The following SDK1 variants were observed in gnomAD, a reference collection of about 807,000 sequenced individuals.
The protein encoded by SDK1 is sidekick cell adhesion molecule 1, also known as protein sidekick-1.
In SDK1, 157 loss-of-function variants were observed where a neutral mutation model predicts 245.5. The ratio of observed to expected loss-of-function variants is 0.64; its 90% CI spans 0.56 to 0.73. SDK1 has a LOEUF of 0.73. Ranked by LOEUF, SDK1 falls within the 30% of genes least tolerant of loss-of-function variation. The pLI is 0.00. For missense variants in SDK1, 3,583 were observed against 3,002.3 expected (o/e 1.19, Z -4.52); for synonymous variants, 1,647 against 1,278.5 (o/e 1.29, Z -6.15).
intron 1 of SDK1, among the ~76,000 whole-genome samples, chr7:3,376,497 A>G (rs1356680528): frequency 6.6e-6 from 1 of 152,236 alleles, no homozygotes; most frequent in Non-Finnish European, 1.5e-5. Context: ...CAGGCAATTC[A>G]CAAAGTAGAA....
At chr7:3,973,734 C>T (rs538480373) in intron 12 of SDK1, among the ~76,000 whole-genome samples, 9 of 152,260 alleles carry the variant, frequency 5.9e-5, no homozygotes, top group South Asian at 2.1e-4. Flanking sequence ...GTTCTACAGA[C>T]TTCTCATCTC....
chr7:3,753,129 G>T (rs1779820844), intron 4 of SDK1, among the ~76,000 whole-genome samples: 1 of 152,136 alleles, frequency 6.6e-6, no homozygotes, highest in South Asian at 2.1e-4. Flanking sequence ...GAACTAGGAT[G>T]GCGGCAATAT....
intron 5 of SDK1, among the ~76,000 whole-genome samples, chr7:3,926,561 A>G (rs1431132594): frequency 6.6e-6 from 1 of 152,040 alleles, no homozygotes; most frequent in Non-Finnish European, 1.5e-5. Flanking sequence ...CTTTGGGCGC[A>G]GGTGATCCTT....
At chr7:3,488,195 G>A (rs1000420108) in intron 1 of SDK1, among the ~76,000 whole-genome samples, 10 of 151,914 alleles carry the variant, frequency 6.6e-5, no homozygotes, top group Admixed American at 6.6e-4. Context: ...TCTGCCTCCC[G>A]TTCCCTCTGC....
chr7:3,828,324 G>C (rs914964346), intron 5 of SDK1, among the ~76,000 whole-genome samples: 6 of 151,634 alleles, frequency 4.0e-5, no homozygotes, highest in Non-Finnish European at 8.8e-5. Flanking sequence ...TATGACTTTT[G>C]GCATATAACT....
intron 5 of SDK1, among the ~76,000 whole-genome samples, chr7:3,908,594 C>A (rs1250683202): frequency 6.6e-6 from 1 of 152,136 alleles, no homozygotes; most frequent in East Asian, 1.9e-4. Flanking sequence ...TCTCTTCCTT[C>A]CTTCCTTTAA....
intron 4 of SDK1, among the ~76,000 whole-genome samples, chr7:3,715,358 G>A (rs1410811440): frequency 6.6e-6 from 1 of 152,144 alleles, no homozygotes; most frequent in Non-Finnish European, 1.5e-5. Flanking sequence ...CGTTTACAGT[G>A]GGAGAAGGTA....
intron 5 of SDK1, among the ~76,000 whole-genome samples, chr7:3,935,973 A>T (rs1441133278): frequency 6.6e-6 from 1 of 152,212 alleles, no homozygotes; most frequent in Non-Finnish European, 1.5e-5. Flanking sequence ...TGCTAATTAG[A>T]AGGTGAGAAC....
At chr7:3,755,006 C>A (rs1779879370) in intron 4 of SDK1, among the ~76,000 whole-genome samples, 1 of 152,252 alleles carries the variant, frequency 6.6e-6, no homozygotes, top group East Asian at 1.9e-4. Flanking sequence ...ATAAAGTGGG[C>A]TTGCTTCTGT....
intron 4 of SDK1, among the ~76,000 whole-genome samples, chr7:3,709,801 C>G (rs1269095401): frequency 6.6e-6 from 1 of 152,124 alleles, no homozygotes; most frequent in Non-Finnish European, 1.5e-5. Context: ...CTTCTAATAT[C>G]AAAGGGAACT....
At chr7:4,205,836 T>G (rs1784185406) in intron 35 of SDK1, 43 bp from the exon 36 acceptor site, 1 of 1,490,834 alleles carries the variant, frequency 6.7e-7, no homozygotes, top group African/African-American at 1.4e-5. Context: ...GGGCCGGCTC[T>G]GAATGAACGT....
intron 4 of SDK1, among the ~76,000 whole-genome samples, chr7:3,795,226 A>G (rs1210839734): frequency 6.6e-6 from 1 of 152,020 alleles, no homozygotes; most frequent in Non-Finnish European, 1.5e-5. Context: ...GTTTTACATG[A>G]TACTTAGATG....
At chr7:3,777,294 C>T (rs1780595618) in intron 4 of SDK1, among the ~76,000 whole-genome samples, 1 of 152,172 alleles carries the variant, frequency 6.6e-6, no homozygotes, top group Non-Finnish European at 1.5e-5. Flanking sequence ...CTAATTTGCC[C>T]TTATTGGCAT....
At chr7:3,601,243 G>T (rs980331807) in intron 1 of SDK1, among the ~76,000 whole-genome samples, 3 of 152,074 alleles carry the variant, frequency 2.0e-5, no homozygotes, top group African/African-American at 7.2e-5. Context: ...AAATGAATTG[G>T]GAGATGTTTC....
intron 1 of SDK1, among the ~76,000 whole-genome samples, chr7:3,574,442 T>C (rs1158277396): frequency 2.6e-5 from 4 of 152,022 alleles, no homozygotes; most frequent in African/African-American, 4.8e-5. Context: ...CCCTGTGGTG[T>C]GAAGTTGCTA....
At chr7:3,823,087 G>A (rs904002728) in intron 5 of SDK1, among the ~76,000 whole-genome samples, 1 of 152,182 alleles carries the variant, frequency 6.6e-6, no homozygotes, top group Non-Finnish European at 1.5e-5. Flanking sequence ...GGAGAATGAT[G>A]CACGTGGATT....
chr7:3,516,669 T>C (rs1782761561), intron 1 of SDK1, among the ~76,000 whole-genome samples: 1 of 152,182 alleles, frequency 6.6e-6, no homozygotes, highest in African/African-American at 2.4e-5. Flanking sequence ...TAATAGTCTT[T>C]TGGATGAATT....
intron 1 of SDK1, among the ~76,000 whole-genome samples, chr7:3,327,131 C>T (rs1412495478): frequency 1.3e-5 from 2 of 152,096 alleles, no homozygotes; most frequent in Non-Finnish European, 2.9e-5. Context: ...CTGGGTGTGA[C>T]ATCTTAAGAA....
At chr7:3,628,159 G>A (rs1233140198) in intron 2 of SDK1, among the ~76,000 whole-genome samples, 1 of 152,074 alleles carries the variant, frequency 6.6e-6, no homozygotes, top group Non-Finnish European at 1.5e-5. Context: ...CCAGGCCTGA[G>A]TGTTTAACTG....
Sources: gnomAD v4.1 joint callset for allele counts (sites outside exome capture counted in the v4.1 genomes callset) on GRCh38, gnomAD v4.1.1 for gene constraint, MANE v1.5 for transcripts, NCBI Gene and HGNC (gene_info 2026-07-23, HGNC 2026-07-21) for gene names.